Variants in ARHGAP31 observed in about 807,000 individuals in gnomAD.
ARHGAP31 encodes Rho GTPase activating protein 31.
ARHGAP31 carries 34 observed loss-of-function variants against 113.9 expected under a neutral mutation model. That is an observed-to-expected ratio of 0.30 (90% CI 0.23 to 0.40). The LOEUF (loss-of-function observed/expected upper bound fraction) is 0.40. Among genes scored for constraint, ARHGAP31 ranks in the 10% least tolerant of loss-of-function variants. The pLI is 1.00. For synonymous variants in ARHGAP31, 650 were observed against 684.8 expected (o/e 0.95, Z 0.79); for missense variants, 1,548 against 1,767.1 (o/e 0.88, Z 2.22).
intron 8 of ARHGAP31, among the ~76,000 whole-genome samples, chr3:119,397,266 A>G (rs1219080096): frequency 6.6e-6 from 1 of 152,218 alleles, no homozygotes; most frequent in Non-Finnish European, 1.5e-5. Flanking sequence ...GCCACAAGGA[A>G]CTGCATCATG....
At chr3:119,319,040 C>T (rs1389340701) in intron 1 of ARHGAP31, among the ~76,000 whole-genome samples, 4 of 151,934 alleles carry the variant, frequency 2.6e-5, no homozygotes, top group African/African-American at 7.3e-5. Context: ...AAATTCTTCC[C>T]TTCTGCTGCC....
At chr3:119,313,837 T>C (rs2079705240) in intron 1 of ARHGAP31, among the ~76,000 whole-genome samples, 1 of 152,262 alleles carries the variant, frequency 6.6e-6, no homozygotes, top group African/African-American at 2.4e-5. Flanking sequence ...TGAGTATCTA[T>C]ATTTTTGCAG....
chr3:119,355,905 T>TTCCAAG (rs2080152869), intron 1 of ARHGAP31, among the ~76,000 whole-genome samples: 2 of 152,318 alleles, frequency 1.3e-5, no homozygotes, highest in African/African-American at 4.8e-5. Flanking sequence ...TTTGGATTGG[T>TTCCAAG]TCCAAGTCTT....
At chr3:119,315,991 T>A (rs1312975820) in intron 1 of ARHGAP31, among the ~76,000 whole-genome samples, 1 of 152,192 alleles carries the variant, frequency 6.6e-6, no homozygotes, top group Non-Finnish European at 1.5e-5. Context: ...ACATGCTGTA[T>A]AATGAGGACA....
At chr3:119,391,266 A>C (rs1174842347) in intron 7 of ARHGAP31, among the ~76,000 whole-genome samples, 1 of 152,172 alleles carries the variant, frequency 6.6e-6, no homozygotes, top group Non-Finnish European at 1.5e-5. Flanking sequence ...ATCACAAGTC[A>C]TGACTGAAAT....
rs529676737 is a variant in ARHGAP31, at chr3:119,413,769, G to C, written c.1927-87G>C. On this transcript the variant is annotated intron_variant, in intron 11 of 11. Coordinates refer to ENST00000264245, the MANE Select transcript of ARHGAP31 (RefSeq NM_020754.4). ...TGCTGAACTGGCACAGGCTGGTGCT[G>C]TCAGTCCCTTCCCTCTCACTGGAAA... 29 of 1,590,208 alleles carry C rather than the reference G, an allele frequency of 1.8e-5. No individual in the cohort carries two copies. In the African/African-American group the frequency reaches 3.5e-4, roughly 19 times the overall value.
At chr3:119,377,807 G>A (rs1383239112) in intron 3 of ARHGAP31, among the ~76,000 whole-genome samples, 1 of 137,112 alleles carries the variant, frequency 7.3e-6, no homozygotes, top group African/African-American at 2.7e-5. Flanking sequence ...CTAGTAAATA[G>A]CTTAAAATAC....
At chr3:119,353,796 A>G (rs113237679) in intron 1 of ARHGAP31, among the ~76,000 whole-genome samples, 15 of 151,968 alleles carry the variant, frequency 9.9e-5, no homozygotes, top group African/African-American at 3.6e-4. Context: ...TCAAAAAAAA[A>G]AAAAAAAAAA....
intron 1 of ARHGAP31, chr3:119,298,669 CAAAG>C (rs1236496505): frequency 1.3e-5 from 2 of 152,606 alleles, no homozygotes; most frequent in Admixed American, 1.3e-4. Context: ...TCCAAGCTGA[CAAAG>C]AAAAGAAGGG....
intron 3 of ARHGAP31, among the ~76,000 whole-genome samples, chr3:119,379,036 G>C (rs1034939218): frequency 6.6e-6 from 1 of 152,132 alleles, no homozygotes; most frequent in Non-Finnish European, 1.5e-5. Context: ...AGAGAAGTTG[G>C]ATTGCCTTAA....
chr3:119,314,067 C>T (rs1241413989), intron 1 of ARHGAP31, among the ~76,000 whole-genome samples: 1 of 152,218 alleles, frequency 6.6e-6, no homozygotes. Context: ...CCTCTGCAGC[C>T]TCAATGGACA....
At position 119,319,317 on chromosome 3, in the gene ARHGAP31, A is replaced by G. The variant is rs140954469; in HGVS notation, c.100+24313A>G. On this transcript the variant is annotated intron_variant, in intron 1 of 11. Transcript: ENST00000264245. ...TTTCTATTTTGTGAGCCCAAGTGTC[A>G]TACAAATATTTATGTTGGTGTTTTG... Among the ~76,000 whole-genome samples, 85 of 151,892 alleles carry G rather than the reference A, an allele frequency of 5.6e-4. No homozygotes were observed. The East Asian group carries it at 0.016, about 28-fold the overall frequency.
At chr3:119,324,748 T>G (rs552809289) in intron 1 of ARHGAP31, 23 of 303,808 alleles carry the variant, frequency 7.6e-5, no homozygotes, top group African/African-American at 4.0e-4. Context: ...TCTCAACCCC[T>G]AGCCCTTAGT....
At chr3:119,365,164 T>C in intron 1 of ARHGAP31, 152 bp from the exon 2 acceptor site, 1 of 664,878 alleles carries the variant, frequency 1.5e-6, no homozygotes, top group South Asian at 1.8e-5. Flanking sequence ...GAACATCACC[T>C]ACCACTTACA....
At position 119,418,829 on chromosome 3, in the gene ARHGAP31, C is replaced by T. The variant is rs1208221634; in HGVS notation, c.*2565C>T. ...TCCTTGCTAGTCAAGTCCAAAAGGC[C>T]TTAGAAGCTGACTCACCTTCTCAGC... On this transcript the variant is annotated 3_prime_UTR_variant, in exon 12 of 12. Transcript: ENST00000264245. 6.6e-6 allele frequency: 1 copy of T among 152,148 alleles called. No individual in the cohort carries two copies. The highest frequency in any genetic ancestry group is 2.4e-5 in the African/African-American group (1 of 41,418). The allele number at this position is 152,148 out of a possible 1,614,324, so 9.4% of individuals were successfully genotyped here. A position where few individuals can be genotyped will look rare whatever the true frequency, so the allele number is the denominator to read the frequency against.
chr3:119,362,063 G>A (rs16829757), intron 1 of ARHGAP31, among the ~76,000 whole-genome samples: 19,812 of 152,262 alleles, frequency 0.13, 1,479 homozygotes, highest in African/African-American at 0.21. Context: ...GACAAATGGA[G>A]CCTGAAGTGC....
intron 1 of ARHGAP31, among the ~76,000 whole-genome samples, chr3:119,309,950 T>G (rs1441606521): frequency 2.6e-5 from 1 of 39,062 alleles, no homozygotes; most frequent in African/African-American, 7.8e-5. Flanking sequence ...CTATCAACTG[T>G]TTTTTTTTTT....
At chr3:119,337,403 T>C (rs763397119) in intron 1 of ARHGAP31, among the ~76,000 whole-genome samples, 3 of 152,094 alleles carry the variant, frequency 2.0e-5, no homozygotes, top group Non-Finnish European at 4.4e-5. Context: ...CAGACCTTTG[T>C]GGTGAGTGTT....
intron 1 of ARHGAP31, among the ~76,000 whole-genome samples, chr3:119,355,659 CG>C (rs1190271937): frequency 2.0e-5 from 3 of 152,026 alleles, no homozygotes; most frequent in Non-Finnish European, 4.4e-5. Context: ...CGACAGGCCC[CG>C]GTGTGTGATG....
Sources: gnomAD v4.1 joint callset for allele counts (sites outside exome capture counted in the v4.1 genomes callset) on GRCh38, gnomAD v4.1.1 for gene constraint, MANE v1.5 for transcripts, NCBI Gene and HGNC (gene_info 2026-07-23, HGNC 2026-07-21) for gene names.